Variants in SAMD5 observed in about 807,000 individuals in gnomAD.
SAMD5 encodes the protein sterile alpha motif domain containing 5.
SAMD5 carries 13 observed loss-of-function variants against 11.3 expected under a neutral mutation model. That is an observed-to-expected ratio of 1.15 (90% CI 0.75 to 1.83). The LOEUF is 1.83. Ranked by LOEUF, SAMD5 falls within the 40% of genes most tolerant of loss-of-function variation. SAMD5 has a pLI of 0.00. For missense variants in SAMD5, 255 were observed against 239.1 expected (o/e 1.07, Z -0.44); for synonymous variants, 129 against 111.3 (o/e 1.16, Z -1.00).
intron 1 of SAMD5, among the ~76,000 whole-genome samples, chr6:147,729,055 G>A (rs1160283248): frequency 2.0e-5 from 3 of 152,326 alleles, no homozygotes; most frequent in African/African-American, 7.2e-5. Context: ...CATGGTGCCA[G>A]CAGGGTTGGT....
the SAMD5 span, among the ~76,000 whole-genome samples, chr6:147,954,539 C>T: frequency 1.3e-5 from 2 of 152,090 alleles, no homozygotes; most frequent in South Asian, 2.1e-4. Flanking sequence ...ATGTCCTAGG[C>T]CTTCGCATTC....
At chr6:147,703,192 C>T (rs55785907) in intron 1 of SAMD5, among the ~76,000 whole-genome samples, 38 of 152,152 alleles carry the variant, frequency 2.5e-4, no homozygotes, top group African/African-American at 8.4e-4. Context: ...CTCAGCCTCC[C>T]GAGTAGCTAG....
At chr6:147,611,747 G>C (rs1214565658) in intron 1 of SAMD5, among the ~76,000 whole-genome samples, 3 of 152,172 alleles carry the variant, frequency 2.0e-5, no homozygotes, top group African/African-American at 7.2e-5. Context: ...GAGGAACAGA[G>C]ACTCCTCAGA....
chr6:147,806,933 A>G, the SAMD5 span, among the ~76,000 whole-genome samples: 1 of 152,106 alleles, frequency 6.6e-6, no homozygotes, highest in Non-Finnish European at 1.5e-5. Context: ...TCTCTCCACC[A>G]TGAGAGGACA....
chr6:147,661,664 C>G (rs967967090), intron 1 of SAMD5, among the ~76,000 whole-genome samples: 4 of 152,184 alleles, frequency 2.6e-5, no homozygotes, highest in African/African-American at 9.7e-5. Flanking sequence ...GAGTCTCTCA[C>G]TGTTGCCTGG....
chr6:147,705,943 A>G (rs1322121682), intron 1 of SAMD5, among the ~76,000 whole-genome samples: 5 of 152,180 alleles, frequency 3.3e-5, no homozygotes, highest in Non-Finnish European at 7.4e-5. Flanking sequence ...GAAGTTTTCC[A>G]CTGGATATAA....
intron 1 of SAMD5, among the ~76,000 whole-genome samples, chr6:147,666,664 A>C (rs1188797750): frequency 6.6e-6 from 1 of 152,220 alleles, no homozygotes; most frequent in African/African-American, 2.4e-5. Flanking sequence ...TGATTTGGGA[A>C]TAACAAAGCT....
intron 1 of SAMD5, among the ~76,000 whole-genome samples, chr6:147,709,067 T>C (rs1583148238): frequency 6.6e-6 from 1 of 152,254 alleles, no homozygotes; most frequent in Non-Finnish European, 1.5e-5. Flanking sequence ...AACATTTTTT[T>C]AAATATCAGC....
the SAMD5 span, among the ~76,000 whole-genome samples, chr6:147,750,640 C>T: frequency 6.6e-6 from 1 of 152,098 alleles, no homozygotes; most frequent in East Asian, 1.9e-4. Context: ...ACACAGATGA[C>T]TGGGCCCGGC....
chr6:147,623,746 A>T (rs945395400), intron 1 of SAMD5, among the ~76,000 whole-genome samples: 4 of 152,270 alleles, frequency 2.6e-5, no homozygotes, highest in Admixed American at 2.6e-4. Context: ...ACATTTAAGT[A>T]AGACTGAGCA....
At chr6:147,866,186 C>T in the SAMD5 span, among the ~76,000 whole-genome samples, 32 of 152,178 alleles carry the variant, frequency 2.1e-4, no homozygotes, top group Admixed American at 2.0e-3. Context: ...TCCAACCAGA[C>T]ATACACATAG....
chr6:147,606,051 G>A (rs1789694889), intron 1 of SAMD5, among the ~76,000 whole-genome samples: 1 of 152,108 alleles, frequency 6.6e-6, no homozygotes, highest in Non-Finnish European at 1.5e-5. Context: ...GATCGGTTCT[G>A]TTTGATCCCA....
At chr6:147,949,540 C>G in the SAMD5 span, among the ~76,000 whole-genome samples, 1 of 152,164 alleles carries the variant, frequency 6.6e-6, no homozygotes, top group Non-Finnish European at 1.5e-5. Context: ...TAATTTCTAT[C>G]ACGCTACTTC....
At chr6:147,592,117 A>G (rs969654497) in intron 1 of SAMD5, among the ~76,000 whole-genome samples, 4 of 152,122 alleles carry the variant, frequency 2.6e-5, no homozygotes, top group African/African-American at 9.7e-5. Flanking sequence ...CTTCCTGAGT[A>G]GATGGGACTA....
chr6:147,564,675 G>T lies in SAMD5; in HGVS notation c.*219G>T. 1.6e-6 allele frequency: 2 copies of T among 1,281,020 alleles called. No homozygotes were observed. Among genetic ancestry groups the T allele is most frequent in the South Asian group, 2.0e-5 (1 of 50,708 alleles). The allele number at this position is 1,281,020 out of a possible 1,614,324, so 79.4% of individuals were successfully genotyped here. ...AAGGCAGTGAACTATCACGCATAAAGAAGTATTGAGTTCATTTTTTTAAGA... is the reference window on the plus strand; with the variant it reads ...AAGGCAGTGAACTATCACGCATAAATAAGTATTGAGTTCATTTTTTTAAGA... On this transcript the variant is annotated 3_prime_UTR_variant, in exon 2 of 2. Coordinates refer to ENST00000367474, the MANE Select transcript of SAMD5 (RefSeq NM_001030060.3).
At chr6:147,920,850 G>T in the SAMD5 span, among the ~76,000 whole-genome samples, 1 of 152,108 alleles carries the variant, frequency 6.6e-6, no homozygotes, top group Non-Finnish European at 1.5e-5. Context: ...TGAGTAACAT[G>T]TTAGATAATG....
chr6:147,849,649 A>C, the SAMD5 span, among the ~76,000 whole-genome samples: 1 of 152,332 alleles, frequency 6.6e-6, no homozygotes, highest in Non-Finnish European at 1.5e-5. Flanking sequence ...TGTCCAAATT[A>C]GTTCAAGGCA....
the SAMD5 span, among the ~76,000 whole-genome samples, chr6:147,752,102 A>G: frequency 4.6e-5 from 7 of 152,300 alleles, no homozygotes; most frequent in East Asian, 7.7e-4. Context: ...CTTTGTGTAC[A>G]TGTGTATGTC....
chr6:147,931,235 AAATGTGTGG>A, the SAMD5 span, among the ~76,000 whole-genome samples: 1 of 152,188 alleles, frequency 6.6e-6, no homozygotes, highest in Non-Finnish European at 1.5e-5. Context: ...TACCCTTTAA[AAATGTGTGG>A]GGGTGAAAAT....
Sources: gnomAD v4.1 joint callset for allele counts (sites outside exome capture counted in the v4.1 genomes callset) on GRCh38, gnomAD v4.1.1 for gene constraint, MANE v1.5 for transcripts, NCBI Gene and HGNC (gene_info 2026-07-23, HGNC 2026-07-21) for gene names.